Variants in LRBA observed in about 807,000 individuals in gnomAD.
LRBA encodes the protein LPS responsive beige-like anchor protein, also known as lipopolysaccharide-responsive and beige-like anchor protein.
Under a neutral mutation model 330.0 loss-of-function variants are expected in LRBA, and 176 were observed. That is an observed-to-expected ratio of 0.53 (90% CI 0.47 to 0.60). The LOEUF is 0.60. LRBA is among the 20% of genes least tolerant of loss of function. The pLI is 0.00. For synonymous variants in LRBA, 1,230 were observed against 1,193.0 expected, an observed-to-expected ratio of 1.03 and a Z score of -0.64; for missense variants, 3,259 against 3,444.8, an observed-to-expected ratio of 0.95 and a Z score of 1.35.
intron 2 of LRBA, among the ~76,000 whole-genome samples, chr4:150,966,865 A>T (rs1417905919): frequency 6.6e-6 from 1 of 152,168 alleles, no homozygotes; most frequent in Non-Finnish European, 1.5e-5. Flanking sequence ...CTGAAACAAG[A>T]CAGCTTTGGT....
rs1302780935 is a variant in LRBA at position 150,893,294 on chromosome 4, C to A, written c.2068-145G>T. On this transcript the variant is annotated intron_variant, in intron 16 of 56. Coordinates refer to ENST00000651943, the MANE Select transcript of LRBA (RefSeq NM_001364905.1). ...ATACTTATTTTTAACAAATTATGTT[C>A]TTTAAATGTAAACATTCACCTCTGT... The A allele has an allele frequency of 5.3e-6, 3 of 568,034 alleles. No homozygotes were observed. In the African/African-American group the frequency reaches 5.6e-5, roughly 11 times the overall value. 35.2% of individuals were successfully genotyped at this position (568,034 alleles called of 1,614,324 possible).
intron 48 of LRBA, among the ~76,000 whole-genome samples, chr4:150,341,486 C>T (rs1735551190): frequency 6.6e-6 from 1 of 151,982 alleles, no homozygotes; most frequent in African/African-American, 2.4e-5. Flanking sequence ...ACTTCTTATG[C>T]TCTCCCTTCC....
chr4:150,829,118 T>C (rs1440670369), intron 29 of LRBA, among the ~76,000 whole-genome samples: 1 of 152,068 alleles, frequency 6.6e-6, no homozygotes, highest in East Asian at 1.9e-4. Context: ...TATTTTTTTG[T>C]AGAGATGAGG....
intron 40 of LRBA, among the ~76,000 whole-genome samples, chr4:150,561,669 T>C (rs1244868076): frequency 6.6e-6 from 1 of 152,188 alleles, no homozygotes; most frequent in Admixed American, 6.5e-5. Context: ...CTAGACGCTC[T>C]AGAAGAGAAT....
chr4:150,663,762 A>G (rs1781333695), intron 37 of LRBA, among the ~76,000 whole-genome samples: 1 of 152,220 alleles, frequency 6.6e-6, no homozygotes, highest in African/African-American at 2.4e-5. Flanking sequence ...AATGTGTACC[A>G]GACTATAAGT....
At chr4:150,449,102 G>A (rs950090115) in intron 44 of LRBA, among the ~76,000 whole-genome samples, 2 of 152,072 alleles carry the variant, frequency 1.3e-5, no homozygotes, top group Admixed American at 6.6e-5. Context: ...AAGCTGATGG[G>A]AGAGGAACAC....
intron 40 of LRBA, among the ~76,000 whole-genome samples, chr4:150,544,127 CT>C (rs869254893): frequency 5.3e-3 from 774 of 144,858 alleles, no homozygotes; most frequent in African/African-American, 7.3e-3. Context: ...TTCTTCCTTT[CT>C]TTTTTTTTTT....
chr4:150,865,342 A>G (rs1752530833), intron 22 of LRBA, among the ~76,000 whole-genome samples: 1 of 152,218 alleles, frequency 6.6e-6, no homozygotes, highest in Non-Finnish European at 1.5e-5. Flanking sequence ...TTTAGGGGCC[A>G]TGTCGTTGAT....
rs186540593 is a variant in LRBA, at chr4:150,979,968, A to T, written c.216+34459T>A. The stretch of plus-strand genomic sequence containing the variant: ...GAGGGAATACTTCCAAACTCATTCA[A>T]CATGGCCAGTATTACCCTGATACCA... On this transcript the variant is annotated intron_variant, in intron 2 of 56. Transcript: ENST00000651943. Among the ~76,000 whole-genome samples the T allele has an allele frequency of 4.5e-4, 69 of 152,328 alleles. 1 individual carries two copies. The East Asian group carries it at 0.012, about 27-fold the overall frequency.
Position 150,310,360 on chromosome 4 carries a change from C to T in LRBA, c.7718G>A (p.Arg2573Lys). 1 of 1,613,316 alleles carries T rather than the reference C, an allele frequency of 6.2e-7. No homozygotes were observed. Among genetic ancestry groups the T allele is most frequent in the Non-Finnish European group, 8.5e-7 (1 of 1,179,508 alleles). ...TTGGTCTAAAAGGTCAGTGATTTGC[C>T]TCCTGTGCATTCCTGTATTGCTGGC... ...LIASNTGMHRRQITDLLDQSI... is the reference protein window; with the variant it reads ...LIASNTGMHRKQITDLLDQSI... Residue 2573 changes from arginine (R) to lysine (K), a missense_variant, in exon 52 of 57, where the codon AGG becomes AAG. Coordinates refer to ENST00000651943, the MANE Select transcript of LRBA (RefSeq NM_001364905.1).
Position 150,321,760 on chromosome 4 carries a change from T to C in LRBA, c.7453-392A>G, listed in dbSNP as rs988642250. 6.6e-4 allele frequency among the ~76,000 whole-genome samples: 101 copies of C among 152,220 alleles called. No homozygotes were observed. The highest frequency in any genetic ancestry group is 2.4e-3 in the African/African-American group (99 of 41,522). On this transcript the variant is annotated intron_variant, in intron 49 of 56. Coordinates refer to ENST00000651943, the MANE Select transcript of LRBA (RefSeq NM_001364905.1). This position sits in a 1 kb window ranked among gnomAD's most constrained non-coding sequence, Gnocchi z 4.5. The stretch of plus-strand genomic sequence containing the variant: ...GCTATCGTGTCACATAATGATCTTT[T>C]AGCACTAAAAAAACAGTAAGAATGG...
chr4:150,659,142 G>A (rs1291628905), intron 37 of LRBA, among the ~76,000 whole-genome samples: 3 of 136,002 alleles, frequency 2.2e-5, no homozygotes, highest in Non-Finnish European at 1.6e-5. Context: ...CCGCCACCCC[G>A]TCTGGGAAGG....
intron 33 of LRBA, among the ~76,000 whole-genome samples, chr4:150,799,775 C>T (rs979114462): frequency 1.3e-4 from 20 of 152,154 alleles, no homozygotes; most frequent in Non-Finnish European, 2.4e-4. Flanking sequence ...GACGTTGTCT[C>T]GCTCTGTCAC....
At chr4:150,955,600 T>C (rs1448697804) in intron 2 of LRBA, among the ~76,000 whole-genome samples, 1 of 146,870 alleles carries the variant, frequency 6.8e-6, no homozygotes, top group Non-Finnish European at 1.5e-5. Flanking sequence ...ATAATAATAA[T>C]AATGACGTAG....
At chr4:150,489,724 TA>T (rs1355411853) in intron 41 of LRBA, among the ~76,000 whole-genome samples, 1 of 132,420 alleles carries the variant, frequency 7.6e-6, no homozygotes, top group Non-Finnish European at 1.6e-5. Context: ...TAAGAATATA[TA>T]ATATATAATA....
At chr4:150,848,357 T>C (rs1750142651) in intron 26 of LRBA, among the ~76,000 whole-genome samples, 1 of 152,016 alleles carries the variant, frequency 6.6e-6, no homozygotes, top group Admixed American at 6.6e-5. Flanking sequence ...GATCATCAAA[T>C]TTATGAATCA....
At chr4:150,912,131 A>T (rs1209651973) in intron 9 of LRBA, among the ~76,000 whole-genome samples, 1 of 152,190 alleles carries the variant, frequency 6.6e-6, no homozygotes, top group Non-Finnish European at 1.5e-5. Context: ...TTTAATTAAA[A>T]AAAAAACTGT....
intron 35 of LRBA, among the ~76,000 whole-genome samples, chr4:150,745,348 T>A (rs1377659119): frequency 1.3e-5 from 2 of 151,778 alleles, no homozygotes; most frequent in Non-Finnish European, 2.9e-5. Flanking sequence ...TGCTATCATA[T>A]CTCTATAGAA....
chr4:150,391,823 C>T (rs933658636), intron 47 of LRBA, among the ~76,000 whole-genome samples: 1 of 151,410 alleles, frequency 6.6e-6, no homozygotes, highest in African/African-American at 2.4e-5. Context: ...TTGAGTGCCA[C>T]TTCTTTGGTT....
Sources: allele counts gnomAD v4.1 joint callset (sites outside exome capture counted in the v4.1 genomes callset), GRCh38; gene constraint gnomAD v4.1.1; non-coding constraint Gnocchi (gnomAD v3.1); transcripts MANE v1.5; gene names NCBI Gene and HGNC (gene_info 2026-07-23, HGNC 2026-07-21).